CHD9: variants seen among roughly 807,000 people sequenced by gnomAD.
CHD9 encodes chromodomain helicase DNA binding protein 9, also known as ATP-dependent chromatin remodeler CHD9.
CHD9 carries 77 observed loss-of-function variants against 316.1 expected under a neutral mutation model. The observed-to-expected ratio is 0.24, with a 90% CI of 0.20 to 0.29. The LOEUF (loss-of-function observed/expected upper bound fraction) is 0.29. Ranked by LOEUF, CHD9 falls within the 10% of genes least tolerant of loss-of-function variation. The pLI is 1.00. For synonymous variants in CHD9, 1,129 were observed against 1,158.3 expected, an observed-to-expected ratio of 0.97 and a Z score of 0.51; for missense variants, 2,763 against 3,438.1, an observed-to-expected ratio of 0.80 and a Z score of 4.91.
In CHD9 at chr16:53,146,419, G is replaced by GTATGTATATATATGTATATATA. The variant is rs59577921; in HGVS notation, c.-164-9504_-164-9503insGTATATATATGTATATATATAT. ...AAAAAAAAATTGTGTGTGTGTGTAT[G>GTATGTATATATATGTATATATA]TATATATATATATATATAATTAAAA... On this transcript the variant is annotated intron_variant, in intron 1 of 38. Coordinates refer to ENST00000447540, the MANE Select transcript of CHD9 (RefSeq NM_001308319.2). Among the ~76,000 whole-genome samples, 4 of 76,714 alleles carry GTATGTATATATATGTATATATA rather than the reference G, an allele frequency of 5.2e-5. No homozygotes were observed. The Admixed American group carries it at 7.1e-4, about 14-fold the overall frequency. The allele number at this position is 76,714 out of a possible 152,430, so 50.3% of individuals were successfully genotyped here.
chr16:53,215,250 G>A (rs147854052), intron 3 of CHD9, among the ~76,000 whole-genome samples: 29 of 152,280 alleles, frequency 1.9e-4, no homozygotes, highest in African/African-American at 7.0e-4. Flanking sequence ...CAACTGTGCT[G>A]ATAAATGTAT....
At chr16:53,055,626 G>A (rs1476677642) in intron 1 of CHD9, among the ~76,000 whole-genome samples, 1 of 152,070 alleles carries the variant, frequency 6.6e-6, no homozygotes, top group Non-Finnish European at 1.5e-5. Flanking sequence ...GAGAAAAACG[G>A]AGGACATTTG....
intron 34 of CHD9, among the ~76,000 whole-genome samples, chr16:53,312,210 G>T (rs536219518): frequency 2.0e-5 from 3 of 152,214 alleles, no homozygotes; most frequent in African/African-American, 7.2e-5. Context: ...TGTAGTACAG[G>T]GATAGCACTA....
At chr16:53,302,857 C>A (rs1196328489) in intron 30 of CHD9, among the ~76,000 whole-genome samples, 2 of 152,158 alleles carry the variant, frequency 1.3e-5, no homozygotes, top group African/African-American at 4.8e-5. Flanking sequence ...TTGAGTACTT[C>A]CCAAGTGTCA....
intron 24 of CHD9, among the ~76,000 whole-genome samples, chr16:53,276,070 C>G (rs2052781503): frequency 6.6e-6 from 1 of 152,182 alleles, no homozygotes; most frequent in South Asian, 2.1e-4. Flanking sequence ...GTCCCCACAT[C>G]TTAACACTTA....
At position 53,190,226 on chromosome 16, in the gene CHD9, C is replaced by T. The variant is rs551375984; in HGVS notation, c.1453-19256C>T. Among the ~76,000 whole-genome samples the T allele has an allele frequency of 1.3e-5, 2 of 152,106 alleles. 1 individual carries two copies. Among genetic ancestry groups the T allele is most frequent in the African/African-American group, 4.8e-5 (2 of 41,544 alleles). On this transcript the variant is annotated intron_variant, in intron 2 of 38. Coordinates refer to ENST00000447540, the MANE Select transcript of CHD9 (RefSeq NM_001308319.2). ...ATGGTAGAGGTGGGTGGAGACAAAC[C>T]TAATTTCTTTCTCAATTAAAAACGT...
intron 3 of CHD9, among the ~76,000 whole-genome samples, chr16:53,214,187 TAAC>T (rs1390428800): frequency 2.0e-5 from 3 of 152,186 alleles, no homozygotes; most frequent in Non-Finnish European, 4.4e-5. Context: ...TGTGTATTTT[TAAC>T]AAAACTAGCA....
intron 30 of CHD9, among the ~76,000 whole-genome samples, chr16:53,300,604 A>G (rs985804831): frequency 6.6e-6 from 1 of 152,238 alleles, no homozygotes; most frequent in Non-Finnish European, 1.5e-5. Flanking sequence ...AGACTTTTTA[A>G]TGGATAATAA....
chr16:53,272,099 C>T (rs967807498), intron 22 of CHD9, among the ~76,000 whole-genome samples: 15 of 151,912 alleles, frequency 9.9e-5, no homozygotes, highest in African/African-American at 3.6e-4. Flanking sequence ...ACATTTTATA[C>T]TTTAAAGAGA....
intron 2 of CHD9, among the ~76,000 whole-genome samples, chr16:53,182,893 G>A (rs963939985): frequency 6.6e-6 from 1 of 152,144 alleles, no homozygotes; most frequent in African/African-American, 2.4e-5. Context: ...AAGATCAAGT[G>A]TTTTAAGTTT....
intron 1 of CHD9, among the ~76,000 whole-genome samples, chr16:53,087,627 G>A (rs2035573743): frequency 6.6e-6 from 1 of 152,052 alleles, no homozygotes; most frequent in South Asian, 2.1e-4. Context: ...ATATTCCTTA[G>A]GATTCTTTTG....
Position 53,324,259 on chromosome 16 carries a change from A to T in CHD9, c.8058A>T (p.Gln2686His). 1.2e-6 allele frequency: 2 copies of T among 1,614,004 alleles called. No homozygotes were observed. Among genetic ancestry groups the T allele is most frequent in the Non-Finnish European group, 1.7e-6 (2 of 1,179,884 alleles). The change falls in exon 39 of 39, where the codon CAA becomes CAT. Residue 2686 changes from glutamine (Q) to histidine (H), a missense_variant. This residue lies in a region of CHD9 where 298 missense variants were observed against 380.2 expected (regional missense o/e 0.78). Coordinates refer to ENST00000447540, the MANE Select transcript of CHD9 (RefSeq NM_001308319.2). ...ACCTACAAAACTTGCAGTCACTGCA[A>T]GTAACTGCTGGGTTGATGGGAATGC... ...QQNLQNLQSLQVTAGLMGMPT... is the reference protein window; with the variant it reads ...QQNLQNLQSLHVTAGLMGMPT...
In CHD9 at chr16:53,156,433, T is replaced by C. The variant is rs1467735200; in HGVS notation, c.344T>C (p.Phe115Ser). 2 of 1,614,002 alleles carry C rather than the reference T, an allele frequency of 1.2e-6. No individual in the cohort carries two copies. Among genetic ancestry groups the C allele is most frequent in the Non-Finnish European group, 1.7e-6 (2 of 1,179,886 alleles). Residue 115 changes from phenylalanine (F) to serine (S), a missense_variant, in exon 2 of 39, where the codon TTT becomes TCT. By Grantham distance (155) the Phe-to-Ser change is radical. Around this residue, in one of 15 missense-constraint regions of CHD9, gnomAD observed 859 missense variants for 890.4 expected, o/e 0.96. Coordinates refer to ENST00000447540, the MANE Select transcript of CHD9 (RefSeq NM_001308319.2). ...CCCCAAAACCAACCCAATGGTTTGT[T>C]TCCAGATGTATCAGATGGCAGTCCA... ...IHPQNQPNGL[F>S]PDVSDGSPMW...
At chr16:53,231,866 T>C (rs2048204091) in intron 10 of CHD9, 82 bp downstream of exon 10, 2 of 1,266,786 alleles carry the variant, frequency 1.6e-6, no homozygotes, top group African/African-American at 3.0e-5. Flanking sequence ...TTATATAATG[T>C]TTTACTTTCA....
chr16:53,247,576 A>T, intron 16 of CHD9, 73 bp downstream of exon 16: 1 of 1,009,512 alleles, frequency 9.9e-7, no homozygotes, highest in South Asian at 1.5e-5. Flanking sequence ...CTGTAATGTA[A>T]ATGAACTTTA....
chr16:53,178,794 C>G (rs2043271594), intron 2 of CHD9, among the ~76,000 whole-genome samples: 1 of 152,098 alleles, frequency 6.6e-6, no homozygotes, highest in Non-Finnish European at 1.5e-5. Context: ...TTATGGATGA[C>G]TATAGTTTTA....
rs574916959 is a variant in CHD9 at position 53,149,143 on chromosome 16, A to T, written c.-164-6783A>T. Among the ~76,000 whole-genome samples, 6 of 152,306 alleles carry T rather than the reference A, an allele frequency of 3.9e-5. 1 individual carries two copies. The highest frequency in any genetic ancestry group is 1.4e-4 in the African/African-American group (6 of 41,580). On this transcript the variant is annotated intron_variant, in intron 1 of 38. Coordinates refer to ENST00000447540, the MANE Select transcript of CHD9 (RefSeq NM_001308319.2). ...ACAGTTTGTATACTTGTAATATTTTAAAATGTTTTAAGAATTGTTTTGTGG... is the reference window on the plus strand; with the variant it reads ...ACAGTTTGTATACTTGTAATATTTTTAAATGTTTTAAGAATTGTTTTGTGG...
chr16:53,254,978 T>C (rs1025945429), intron 18 of CHD9, among the ~76,000 whole-genome samples: 1 of 152,192 alleles, frequency 6.6e-6, no homozygotes, highest in African/African-American at 2.4e-5. Context: ...TTGGCTTTTT[T>C]TTCGCTCAAG....
intron 2 of CHD9, among the ~76,000 whole-genome samples, chr16:53,183,712 G>A (rs1049471234): frequency 6.6e-6 from 1 of 151,978 alleles, no homozygotes; most frequent in Non-Finnish European, 1.5e-5. Flanking sequence ...CCAGGAGTTC[G>A]AGACCAGCCT....
Sources: allele counts gnomAD v4.1 joint callset (sites outside exome capture counted in the v4.1 genomes callset), GRCh38; gene constraint gnomAD v4.1.1; regional missense constraint gnomAD v4.1.1; transcripts MANE v1.5; gene names NCBI Gene and HGNC (gene_info 2026-07-23, HGNC 2026-07-21).